The following STXBP5L variants were observed in gnomAD, a reference collection of about 807,000 sequenced individuals.
The protein encoded by STXBP5L is syntaxin binding protein 5L.
STXBP5L carries 65 observed loss-of-function variants against 144.5 expected under a neutral mutation model. That is an observed-to-expected ratio of 0.45 (90% CI 0.37 to 0.55). STXBP5L has a LOEUF of 0.55. Ranked by LOEUF, STXBP5L falls within the 20% of genes least tolerant of loss-of-function variation. The probability of loss-of-function intolerance (pLI) is 0.00; values close to 1 mark genes in which losing one functional copy is unlikely to be tolerated. For synonymous variants in STXBP5L, 505 were observed against 469.6 expected, an observed-to-expected ratio of 1.08 and a Z score of -0.97; for missense variants, 1,298 against 1,405.5, an observed-to-expected ratio of 0.92 and a Z score of 1.22.
chr3:121,201,463 A>G (rs1342939073), intron 9 of STXBP5L, among the ~76,000 whole-genome samples: 1 of 152,066 alleles, frequency 6.6e-6, no homozygotes. Context: ...TTGATTCTTT[A>G]TCCAATTTAT....
At chr3:121,201,897 C>T (rs867518520) in intron 9 of STXBP5L, among the ~76,000 whole-genome samples, 13 of 152,078 alleles carry the variant, frequency 8.5e-5, no homozygotes, top group Admixed American at 3.3e-4. Context: ...ATGGGATTAC[C>T]GGCACGTGCC....
intron 5 of STXBP5L, among the ~76,000 whole-genome samples, chr3:121,102,280 C>A (rs984356761): frequency 2.8e-4 from 42 of 151,990 alleles, no homozygotes; most frequent in African/African-American, 9.7e-4. Flanking sequence ...AAGAACAAAG[C>A]CAGACACATT....
At position 121,194,468 on chromosome 3, in the gene STXBP5L, C is replaced by T. The variant is rs200035463; in HGVS notation, c.878-11455C>T. 2.7e-4 allele frequency among the ~76,000 whole-genome samples: 13 copies of T among 47,508 alleles called. No individual in the cohort carries two copies. The South Asian group carries it at 3.5e-3, about 13-fold the overall frequency. 31.2% of individuals were successfully genotyped at this position (47,508 alleles called of 152,430 possible). On this transcript the variant is annotated intron_variant, in intron 9 of 26. Transcript: ENST00000471454. ...GAGGATTGCTTGAGCCCAGGAGTTC[C>T]AGGCTGCAGTGAGCTATGATCATGC...
intron 19 of STXBP5L, among the ~76,000 whole-genome samples, chr3:121,291,996 A>G (rs1199635451): frequency 6.6e-6 from 1 of 152,238 alleles, no homozygotes; most frequent in Non-Finnish European, 1.5e-5. Flanking sequence ...TGGCTTAAAC[A>G]TAGACTTTAT....
At chr3:120,927,529 A>G (rs762387839) in intron 2 of STXBP5L, among the ~76,000 whole-genome samples, 10 of 152,182 alleles carry the variant, frequency 6.6e-5, no homozygotes, top group East Asian at 1.9e-4. Context: ...AACCCAAAAT[A>G]TGGGGGAAGC....
At chr3:121,323,117 C>T (rs1559975497) in intron 20 of STXBP5L, among the ~76,000 whole-genome samples, 1 of 152,134 alleles carries the variant, frequency 6.6e-6, no homozygotes, top group Non-Finnish European at 1.5e-5. Flanking sequence ...GCGTAGGTTA[C>T]AAATATTTTC....
At chr3:121,258,367 A>G (rs1457374855) in intron 17 of STXBP5L, among the ~76,000 whole-genome samples, 1 of 152,224 alleles carries the variant, frequency 6.6e-6, no homozygotes, top group Non-Finnish European at 1.5e-5. Flanking sequence ...GAAAATTTAG[A>G]GATAAGATTT....
chr3:121,307,658 T>C (rs942153915), intron 19 of STXBP5L, among the ~76,000 whole-genome samples: 7 of 150,894 alleles, frequency 4.6e-5, no homozygotes, highest in Admixed American at 6.6e-5. Flanking sequence ...TGAAGAAAAA[T>C]AAAGTCTCAG....
intron 10 of STXBP5L, among the ~76,000 whole-genome samples, chr3:121,211,679 A>G (rs1453202022): frequency 6.7e-6 from 1 of 150,170 alleles, no homozygotes; most frequent in Non-Finnish European, 1.5e-5. Context: ...CCGGGGTTCA[A>G]GCGATTCTCC....
intron 20 of STXBP5L, among the ~76,000 whole-genome samples, chr3:121,378,139 G>T (rs2046235342): frequency 6.6e-6 from 1 of 151,814 alleles, no homozygotes. Context: ...TGGTCACAGG[G>T]AGGGGAACAT....
At position 121,364,018 on chromosome 3, in the gene STXBP5L, G is replaced by A. The variant is rs574001541; in HGVS notation, c.2177-14698G>A. Among the ~76,000 whole-genome samples the A allele has an allele frequency of 2.7e-4, 41 of 152,084 alleles. 1 individual carries two copies. The South Asian group carries it at 8.5e-3, about 32-fold the overall frequency. The stretch of plus-strand genomic sequence containing the variant: ...TTACTCTGTTGATAGTGTCATTTGA[G>A]GTACACAGTTTTTAAATGTTTATGA... On this transcript the variant is annotated intron_variant, in intron 20 of 26. Coordinates refer to ENST00000471454, the MANE Select transcript of STXBP5L (RefSeq NM_001308330.2).
At chr3:120,962,904 T>C (rs898215970) in intron 3 of STXBP5L, among the ~76,000 whole-genome samples, 6 of 152,254 alleles carry the variant, frequency 3.9e-5, no homozygotes, top group Non-Finnish European at 1.5e-5. Context: ...TTCCTATCCA[T>C]GAGCATGGAA....
chr3:121,227,372 G>A (rs2049153331), intron 11 of STXBP5L, among the ~76,000 whole-genome samples: 1 of 152,120 alleles, frequency 6.6e-6, no homozygotes, highest in African/African-American at 2.4e-5. Flanking sequence ...TTGAGCTCAG[G>A]ATTTCAAGAC....
chr3:121,284,088 C>T (rs2051152927), intron 19 of STXBP5L, among the ~76,000 whole-genome samples: 1 of 152,010 alleles, frequency 6.6e-6, no homozygotes, highest in South Asian at 2.1e-4. Context: ...CTTAGTTCAT[C>T]AGGATCCTAT....
chr3:121,112,187 C>T lies in STXBP5L; in HGVS notation c.471-2738C>T, dbSNP rs535001615. On this transcript the variant is annotated intron_variant, in intron 5 of 26. Transcript: ENST00000471454. The stretch of plus-strand genomic sequence containing the variant: ...GCAGCTGCAATGATGGCAGCTGCCC[C>T]TCCCCTCAGGAACTTGGTAATCTTA... Among the ~76,000 whole-genome samples, 16 of 152,178 alleles carry T rather than the reference C, an allele frequency of 1.1e-4. No homozygotes were observed. The South Asian group carries it at 2.9e-3, about 28-fold the overall frequency.
chr3:120,962,480 C>G (rs1938966728), intron 3 of STXBP5L, among the ~76,000 whole-genome samples: 1 of 152,176 alleles, frequency 6.6e-6, no homozygotes, highest in Non-Finnish European at 1.5e-5. Context: ...GATCCAGTTT[C>G]AGCTTTCTAC....
At chr3:121,164,556 A>G (rs2046435243) in intron 9 of STXBP5L, among the ~76,000 whole-genome samples, 1 of 152,140 alleles carries the variant, frequency 6.6e-6, no homozygotes, top group Admixed American at 6.5e-5. Flanking sequence ...ACCCAAAGGA[A>G]ATGAAATCAC....
chr3:120,914,598 C>T (rs537947814), intron 2 of STXBP5L, among the ~76,000 whole-genome samples: 10 of 152,188 alleles, frequency 6.6e-5, no homozygotes, highest in Admixed American at 5.9e-4. Context: ...TTTTCATTGT[C>T]TCCACATTCT....
rs543654434 is a variant in STXBP5L at position 121,229,152 on chromosome 3, C to T, written c.1112-4464C>T. 3.3e-5 allele frequency among the ~76,000 whole-genome samples: 5 copies of T among 152,284 alleles called. No individual in the cohort carries two copies. In the East Asian group the frequency reaches 9.6e-4, roughly 29 times the overall value. ...ATACTTCCTCTTTCTTCTTAAGTAA[C>T]CAGTTATATCGCTCTAGGAAAAAGA... On this transcript the variant is annotated intron_variant, in intron 11 of 26. Transcript: ENST00000471454.
Sources: gnomAD v4.1 joint callset for allele counts (sites outside exome capture counted in the v4.1 genomes callset) on GRCh38, gnomAD v4.1.1 for gene constraint, MANE v1.5 for transcripts, NCBI Gene and HGNC (gene_info 2026-07-23, HGNC 2026-07-21) for gene names.